Variants in UACA observed in about 807,000 individuals in gnomAD.
UACA encodes the protein nuclear membrane binding protein.
UACA carries 112 observed loss-of-function variants against 160.5 expected under a neutral mutation model. The ratio of observed to expected loss-of-function variants is 0.70; its 90% confidence interval spans 0.60 to 0.82. The LOEUF is 0.82. UACA is among the 40% of genes least tolerant of loss of function. The pLI is 0.00. For synonymous variants in UACA, 557 were observed against 568.4 expected, an observed-to-expected ratio of 0.98 and a Z score of 0.29; for missense variants, 1,574 against 1,614.6, an observed-to-expected ratio of 0.97 and a Z score of 0.43.
At chr15:70,679,583 G>A (rs776054928) in intron 10 of UACA, 25 bp downstream of exon 10, 3 of 1,499,328 alleles carry the variant, frequency 2.0e-6, no homozygotes, top group Non-Finnish European at 2.7e-6. Context: ...TTTAAAGGAA[G>A]ACACCATTAT....
chr15:70,697,780 G>A (rs929826502), intron 2 of UACA, among the ~76,000 whole-genome samples: 1 of 152,234 alleles, frequency 6.6e-6, no homozygotes, highest in South Asian at 2.1e-4. Flanking sequence ...GCCGGGCACA[G>A]TGGCTCACGC....
At chr15:70,678,275 T>A in intron 10 of UACA, 69 bp from the exon 11 acceptor site, 5 of 1,095,732 alleles carry the variant, frequency 4.6e-6, no homozygotes, top group Non-Finnish European at 5.3e-6. Flanking sequence ...GAGAAATTTT[T>A]AAAAGCAGTT....
chr15:70,662,260 G>T (rs985056430), intron 17 of UACA, among the ~76,000 whole-genome samples: 1 of 151,954 alleles, frequency 6.6e-6, no homozygotes, highest in East Asian at 1.9e-4. Flanking sequence ...TCCCATTCAC[G>T]ATTGCTTCAA....
At chr15:70,749,524 CAA>C (rs538980286) in intron 1 of UACA, among the ~76,000 whole-genome samples, 1 of 134,756 alleles carries the variant, frequency 7.4e-6, no homozygotes. Context: ...GACTCCGTCT[CAA>C]AAAAAAAAAA....
chr15:70,662,544 G>C (rs924029950), intron 17 of UACA, among the ~76,000 whole-genome samples: 1 of 152,142 alleles, frequency 6.6e-6, no homozygotes, highest in Admixed American at 6.5e-5. Context: ...AAAAGAGCCT[G>C]CATCGCCAAG....
chr15:70,755,387 AG>A (rs2030356195), intron 1 of UACA, among the ~76,000 whole-genome samples: 1 of 151,888 alleles, frequency 6.6e-6, no homozygotes, highest in African/African-American at 2.4e-5. Flanking sequence ...AAAAAGAATG[AG>A]GCCGGGGGCA....
chr15:70,687,164 G>T (rs560768055), intron 7 of UACA, among the ~76,000 whole-genome samples: 1 of 152,276 alleles, frequency 6.6e-6, no homozygotes, highest in East Asian at 1.9e-4. Flanking sequence ...TAATGAAGAA[G>T]TAACTACAGA....
rs747599122 is a variant in UACA at position 70,666,822 on chromosome 15, C to G, written c.3862G>C (p.Asp1288His). 1 of 1,613,844 alleles carries G rather than the reference C, an allele frequency of 6.2e-7. No homozygotes were observed. The highest frequency in any genetic ancestry group is 8.5e-7 in the Non-Finnish European group (1 of 1,179,936). The change falls in exon 16 of 19, where the codon GAT becomes CAT. Residue 1288 changes from aspartate (D) to histidine (H), a missense_variant. Physicochemically the swap from Asp to His is moderately conservative, Grantham distance 81. Coordinates refer to ENST00000322954, the MANE Select transcript of UACA (RefSeq NM_018003.4). Reference sequence around the variant, plus strand: ...GACTTATCACATCGTTCCTTCTGATCCTTAATTTCTTGCTCAATGCTGAAA... The same window carrying G: ...GACTTATCACATCGTTCCTTCTGATGCTTAATTTCTTGCTCAATGCTGAAA... ...LHFSIEQEIK[D>H]QKERCDKSLT...
upstream of UACA, among the ~76,000 whole-genome samples, chr15:70,765,513 T>C (rs533662323): frequency 2.0e-5 from 3 of 152,292 alleles, no homozygotes; most frequent in East Asian, 1.9e-4. Flanking sequence ...ACAGCAATTA[T>C]ACCTCTCATA....
Position 70,668,352 on chromosome 15 carries a change from T to C in UACA, c.2332A>G (p.Lys778Glu). ...AGCAATTTCTCCATTTCCAACTTCT[T>C]TTCTGTATATTTTTGTGTTACATCT... ...LLDVTQKYTEKKLEMEKLLLE... is the reference protein window; with the variant it reads ...LLDVTQKYTEEKLEMEKLLLE... The change falls in exon 16 of 19, where the codon AAG (lysine) becomes GAG (glutamate). Residue 778 changes from lysine (K) to glutamate (E), a missense_variant. Coordinates refer to ENST00000322954, the MANE Select transcript of UACA (RefSeq NM_018003.4). 1 of 1,608,970 alleles carries C rather than the reference T, an allele frequency of 6.2e-7. No individual in the cohort carries two copies. The highest frequency in any genetic ancestry group is 8.5e-7 in the Non-Finnish European group (1 of 1,178,874).
chr15:70,693,700 G>A (rs1898022058), intron 3 of UACA, among the ~76,000 whole-genome samples: 1 of 151,924 alleles, frequency 6.6e-6, no homozygotes, highest in Non-Finnish European at 1.5e-5. Flanking sequence ...GCAAGCAGAA[G>A]TCACTAGATT....
At chr15:70,666,060 A>C (rs1370740748) in intron 16 of UACA, among the ~76,000 whole-genome samples, 1 of 136,214 alleles carries the variant, frequency 7.3e-6, no homozygotes, top group Non-Finnish European at 1.7e-5. Context: ...GGGAAGATCA[A>C]CTACATAATT....
chr15:70,717,426 G>C (rs910815189), intron 1 of UACA, among the ~76,000 whole-genome samples: 1 of 152,160 alleles, frequency 6.6e-6, no homozygotes, highest in Non-Finnish European at 1.5e-5. Flanking sequence ...AGGCCATGTG[G>C]TTTCTGTTTT....
chr15:70,761,633 G>T (rs964901885), intron 1 of UACA, among the ~76,000 whole-genome samples: 1 of 152,026 alleles, frequency 6.6e-6, no homozygotes, highest in Non-Finnish European at 1.5e-5. Context: ...AAATTGTACA[G>T]AACTTATTCT....
At chr15:70,717,014 G>C (rs978401470) in intron 1 of UACA, among the ~76,000 whole-genome samples, 1 of 152,278 alleles carries the variant, frequency 6.6e-6, no homozygotes, top group East Asian at 1.9e-4. Context: ...CTGAGGTCAG[G>C]AGTTTGAGAC....
intron 18 of UACA, among the ~76,000 whole-genome samples, chr15:70,657,967 G>A (rs893588247): frequency 6.6e-6 from 1 of 151,718 alleles, no homozygotes; most frequent in African/African-American, 2.4e-5. Context: ...GCATGTGCCT[G>A]TAGTCCCAGC....
intron 1 of UACA, among the ~76,000 whole-genome samples, chr15:70,741,303 C>A (rs2141002498): frequency 6.6e-6 from 1 of 152,362 alleles, no homozygotes; most frequent in East Asian, 1.9e-4. Context: ...ACATCTTACT[C>A]TTCACTATCT....
At chr15:70,776,206 T>C in the UACA span, among the ~76,000 whole-genome samples, 2 of 152,118 alleles carry the variant, frequency 1.3e-5, no homozygotes, top group South Asian at 4.1e-4. Context: ...GAATAACAAA[T>C]AATGTTATTA....
chr15:70,721,011 G>A (rs1898973248), intron 1 of UACA, among the ~76,000 whole-genome samples: 1 of 152,208 alleles, frequency 6.6e-6, no homozygotes, highest in Non-Finnish European at 1.5e-5. Context: ...CACTTGCACA[G>A]TCAGCCCAAA....
Sources: allele counts gnomAD v4.1 joint callset (sites outside exome capture counted in the v4.1 genomes callset), GRCh38; gene constraint gnomAD v4.1.1; transcripts MANE v1.5; gene names NCBI Gene and HGNC (gene_info 2026-07-23, HGNC 2026-07-21).